The following TCP11 variants were observed in gnomAD, a reference collection of about 807,000 sequenced individuals.
The protein encoded by TCP11 is t-complex 11, also known as T-complex protein 11 homolog.
TCP11 carries 34 observed loss-of-function variants against 45.0 expected under a neutral mutation model. The observed-to-expected ratio is 0.76, with a 90% CI of 0.57 to 1.01. TCP11 has a LOEUF of 1.01. Among genes scored for constraint, TCP11 ranks in the 50% least tolerant of loss-of-function variants. The pLI, the probability that TCP11 is intolerant of heterozygous loss-of-function variation, is 0.00. For synonymous variants in TCP11, 227 were observed against 227.0 expected (o/e 1.00, Z 0.00); for missense variants, 523 against 598.1 (o/e 0.87, Z 1.31).
intron 4 of TCP11, chr6:35,128,801 T>C (rs767886541): frequency 2.6e-6 from 1 of 382,682 alleles, no homozygotes; most frequent in East Asian, 6.4e-5. Context: ...CCTAAGGGTA[T>C]GATAGATGCC....
chr6:35,131,266 C>T (rs1780406822), intron 3 of TCP11, among the ~76,000 whole-genome samples: 1 of 151,800 alleles, frequency 6.6e-6, no homozygotes, highest in Non-Finnish European at 1.5e-5. Flanking sequence ...GAGCGAGACT[C>T]CATCTCAAAA....
chr6:35,121,150 T>C (rs1779193140), intron 5 of TCP11, 105 bp from the exon 6 acceptor site: 3 of 1,300,168 alleles, frequency 2.3e-6, no homozygotes. Flanking sequence ...AAGACTAACT[T>C]AGTCTTACCT....
At position 35,141,280 on chromosome 6, in the gene TCP11, C is replaced by A; in HGVS notation, c.-90G>T. The stretch of plus-strand genomic sequence containing the variant: ...CGCGGCCTGGCGGCCTGGAGCGTAC[C>A]ACCGCGGCGGAGCGGCGGGTTGGGG... On this transcript the variant is annotated 5_prime_UTR_variant, in exon 1 of 10. Transcript: ENST00000311875. 2 of 1,295,936 alleles carry A rather than the reference C, an allele frequency of 1.5e-6. No homozygotes were observed. The highest frequency in any genetic ancestry group is 2.2e-5 in the South Asian group (1 of 44,736). The allele number at this position is 1,295,936 out of a possible 1,614,324, so 80.3% of individuals were successfully genotyped here. A position where few individuals can be genotyped will look rare whatever the true frequency, so the allele number is the denominator to read the frequency against.
intron 4 of TCP11, among the ~76,000 whole-genome samples, chr6:35,123,804 T>C (rs1279196254): frequency 6.6e-6 from 1 of 151,874 alleles, no homozygotes; most frequent in Admixed American, 6.6e-5. Context: ...TTGGATTCTT[T>C]TGAGACAGAG....
At chr6:35,132,032 T>G (rs1780508432) in intron 3 of TCP11, among the ~76,000 whole-genome samples, 1 of 152,250 alleles carries the variant, frequency 6.6e-6, no homozygotes, top group Non-Finnish European at 1.5e-5. Flanking sequence ...ATATTCAACA[T>G]GATGTAATGC....
Position 35,129,188 on chromosome 6 carries a change from A to G in TCP11, c.237-6T>C, listed in dbSNP as rs751296031. The G allele has an allele frequency of 1.2e-6, 2 of 1,611,452 alleles. No individual in the cohort carries two copies. Among genetic ancestry groups the G allele is most frequent in the African/African-American group, 2.7e-5 (2 of 74,756 alleles). On this transcript the variant is annotated splice_region_variant and splice_polypyrimidine_tract_variant and intron_variant, in intron 3 of 9. Coordinates refer to ENST00000311875, the MANE Select transcript of TCP11 (RefSeq NM_001370687.1). ...CCTTGACCTTGCCTTCCAGACTATAAGAGGGTTAAATGAGCAGATTACTCT... is the reference window on the plus strand; with the variant it reads ...CCTTGACCTTGCCTTCCAGACTATAGGAGGGTTAAATGAGCAGATTACTCT...
At chr6:35,123,810 CAG>C (rs1484363969) in intron 4 of TCP11, among the ~76,000 whole-genome samples, 2 of 151,742 alleles carry the variant, frequency 1.3e-5, no homozygotes, top group Non-Finnish European at 2.9e-5. Context: ...TCTTTTGAGA[CAG>C]AGTCTCACTC....
intron 2 of TCP11, among the ~76,000 whole-genome samples, chr6:35,138,269 G>A (rs1279739557): frequency 5.9e-5 from 9 of 152,058 alleles, no homozygotes; most frequent in Non-Finnish European, 8.8e-5. Context: ...TCAATCTATC[G>A]AAGAGATATC....
chr6:35,134,778 C>A (rs2127681074), intron 3 of TCP11, among the ~76,000 whole-genome samples: 1 of 152,074 alleles, frequency 6.6e-6, no homozygotes, highest in East Asian at 1.9e-4. Flanking sequence ...ATATAAGGGC[C>A]AACTGTATTC....
At chr6:35,134,255 T>G (rs903368792) in intron 3 of TCP11, among the ~76,000 whole-genome samples, 1 of 150,118 alleles carries the variant, frequency 6.7e-6, no homozygotes, top group Middle Eastern at 3.2e-3. Context: ...ATATAACCTA[T>G]GCACATCCAC....
At chr6:35,136,366 C>A in intron 2 of TCP11, 148 bp from the exon 3 acceptor site, 5 of 568,756 alleles carry the variant, frequency 8.8e-6, no homozygotes, top group East Asian at 6.0e-5. Flanking sequence ...GTTTTCTGCA[C>A]TCTATGCCCC....
chr6:35,139,990 G>C, intron 2 of TCP11: 2 of 1,611,342 alleles, frequency 1.2e-6, no homozygotes, highest in Non-Finnish European at 1.7e-6. Context: ...CTTAAATTGT[G>C]TGTACAAAAA....
intron 4 of TCP11, among the ~76,000 whole-genome samples, chr6:35,122,612 G>A (rs16871809): frequency 0.18 from 27,353 of 151,942 alleles, 3,075 homozygotes; most frequent in African/African-American, 0.29. Flanking sequence ...AAAGACATAC[G>A]GGGTACAACA....
rs1778871975 is a variant in TCP11 at position 35,118,481 on chromosome 6, GAAAC to G, written c.1296_1299del (p.Leu432PhefsTer15). 1.2e-6 allele frequency: 2 copies of G among 1,613,872 alleles called. No individual in the cohort carries two copies. The highest frequency in any genetic ancestry group is 1.7e-6 in the Non-Finnish European group (2 of 1,179,962). On this transcript the variant is annotated frameshift_variant, in exon 10 of 10. Transcript: ENST00000311875. LOFTEE classifies it high-confidence loss of function. ...ACACCAAGAACCAAACAGCATTTGA[GAAAC>G]AAATGGATCCGCTGATCTGTGAGCA... is the stretch of plus-strand genomic sequence containing the variant.
At chr6:35,118,948 G>A (rs998948487) in intron 9 of TCP11, among the ~76,000 whole-genome samples, 1 of 152,096 alleles carries the variant, frequency 6.6e-6, no homozygotes, top group Non-Finnish European at 1.5e-5. Flanking sequence ...GATTTCTTGG[G>A]TGCCATCAGA....
chr6:35,141,147 G>A, intron 1 of TCP11, 58 bp downstream of exon 1: 18 of 1,317,756 alleles, frequency 1.4e-5, no homozygotes, highest in Non-Finnish European at 1.7e-5. Flanking sequence ...TTCGCGGCGA[G>A]GTGCCCCCCT....
chr6:35,134,421 C>T (rs971833702), intron 3 of TCP11, among the ~76,000 whole-genome samples: 1 of 151,838 alleles, frequency 6.6e-6, no homozygotes, highest in Non-Finnish European at 1.5e-5. Flanking sequence ...GCTGAGACTA[C>T]AGGCTCGCAC....
intron 5 of TCP11, 60 bp downstream of exon 5, chr6:35,122,057 C>T: frequency 6.4e-7 from 1 of 1,563,440 alleles, no homozygotes; most frequent in Non-Finnish European, 8.8e-7. Context: ...TAGGTCTGGC[C>T]CAGCTTTTCC....
chr6:35,134,748 A>C (rs971907222), intron 3 of TCP11, among the ~76,000 whole-genome samples: 2 of 151,974 alleles, frequency 1.3e-5, no homozygotes, highest in African/African-American at 4.8e-5. Flanking sequence ...GGTTGAATTC[A>C]CGGGATGCAG....
Sources: allele counts gnomAD v4.1 joint callset (sites outside exome capture counted in the v4.1 genomes callset), GRCh38; gene constraint gnomAD v4.1.1; transcripts MANE v1.5; gene names NCBI Gene and HGNC (gene_info 2026-07-23, HGNC 2026-07-21).